The following IPCEF1 variants were observed in gnomAD, a reference collection of about 807,000 sequenced individuals.
The protein encoded by IPCEF1 is interaction protein for cytohesin exchange factors 1.
In IPCEF1, 31 loss-of-function variants were observed where a neutral mutation model predicts 50.9. The observed-to-expected ratio is 0.61, with a 90% CI of 0.46 to 0.82. The LOEUF (loss-of-function observed/expected upper bound fraction) is 0.82. IPCEF1 is among the 40% of genes least tolerant of loss of function. The pLI is 0.00. For synonymous variants in IPCEF1, 181 were observed against 192.0 expected (o/e 0.94, Z 0.47); for missense variants, 458 against 514.0 (o/e 0.89, Z 1.05).
At chr6:154,339,620 C>T (rs896183707) in intron 1 of IPCEF1, among the ~76,000 whole-genome samples, 6 of 151,350 alleles carry the variant, frequency 4.0e-5, no homozygotes, top group South Asian at 2.1e-4. Context: ...GAGAGGTTCT[C>T]GCTCTGTTAC....
intron 1 of IPCEF1, among the ~76,000 whole-genome samples, chr6:154,290,318 C>T (rs1445808950): frequency 2.0e-5 from 3 of 152,102 alleles, no homozygotes; most frequent in African/African-American, 7.2e-5. Context: ...ATTGCACATG[C>T]GGAAAGCCCA....
At chr6:154,339,779 A>G (rs1311801006) in intron 1 of IPCEF1, among the ~76,000 whole-genome samples, 1 of 151,930 alleles carries the variant, frequency 6.6e-6, no homozygotes, top group East Asian at 1.9e-4. Context: ...ATATTTTTGT[A>G]GAGATGGGGT....
chr6:154,262,461 T>A (rs984673606), intron 3 of IPCEF1, among the ~76,000 whole-genome samples: 2 of 152,232 alleles, frequency 1.3e-5, no homozygotes, highest in African/African-American at 4.8e-5. Flanking sequence ...CTACCCTACC[T>A]GGTACAGTGC....
intron 2 of IPCEF1, among the ~76,000 whole-genome samples, chr6:154,284,196 TC>T (rs1025377581): frequency 1.4e-4 from 22 of 152,228 alleles, no homozygotes; most frequent in Non-Finnish European, 1.5e-5. Context: ...TTCTTCATAA[TC>T]CTTTTTCACT....
At chr6:154,263,058 G>GCCA (rs1321616547) in intron 3 of IPCEF1, among the ~76,000 whole-genome samples, 1 of 151,958 alleles carries the variant, frequency 6.6e-6, no homozygotes, top group African/African-American at 2.4e-5. Context: ...ACAGGCATGA[G>GCCA]CCACCATGCC....
chr6:154,196,391 T>C (rs908460469), intron 10 of IPCEF1, among the ~76,000 whole-genome samples: 59 of 152,206 alleles, frequency 3.9e-4, no homozygotes, highest in African/African-American at 1.4e-3. Flanking sequence ...TGCTCTAGAA[T>C]GCCTGCCTCT....
chr6:154,309,348 G>A (rs929052646), intron 1 of IPCEF1, among the ~76,000 whole-genome samples: 5 of 152,198 alleles, frequency 3.3e-5, no homozygotes, highest in East Asian at 1.9e-4. Context: ...ACCATCTAAT[G>A]CCAGCACACT....
At chr6:154,241,773 A>G (rs1056040915) in intron 5 of IPCEF1, among the ~76,000 whole-genome samples, 2 of 152,084 alleles carry the variant, frequency 1.3e-5, no homozygotes, top group African/African-American at 2.4e-5. Context: ...TATTTTTCGC[A>G]TGCCAATTTC....
intron 3 of IPCEF1, among the ~76,000 whole-genome samples, chr6:154,261,957 C>T (rs1036797344): frequency 2.0e-5 from 3 of 152,108 alleles, no homozygotes; most frequent in African/African-American, 4.8e-5. Context: ...AGGTGTCAAA[C>T]CTACTGAAAC....
rs1279337612 is a variant in IPCEF1 at position 154,300,004 on chromosome 6, A to C, written c.-61-10248T>G. On this transcript the variant is annotated intron_variant, in intron 1 of 11. Coordinates refer to ENST00000367220, the MANE Select transcript of IPCEF1 (RefSeq NM_001130700.2). ...AGTTGGCATATTACTTTAAAAATGAAACCCCGAAGTGAATGAAGACTTCAC... is the reference window on the plus strand; with the variant it reads ...AGTTGGCATATTACTTTAAAAATGACACCCCGAAGTGAATGAAGACTTCAC... 2.8e-5 allele frequency among the ~76,000 whole-genome samples: 4 copies of C among 140,890 alleles called. 1 individual carries two copies. The highest frequency in any genetic ancestry group is 6.4e-5 in the Non-Finnish European group (4 of 62,798). The allele number at this position is 140,890 out of a possible 152,430, so 92.4% of individuals were successfully genotyped here.
chr6:154,266,340 G>T (rs1001352934), intron 2 of IPCEF1, among the ~76,000 whole-genome samples: 6 of 151,730 alleles, frequency 4.0e-5, no homozygotes, highest in Non-Finnish European at 8.8e-5. Flanking sequence ...AGCTATAATG[G>T]CACCACTGCA....
intron 1 of IPCEF1, among the ~76,000 whole-genome samples, chr6:154,349,077 A>G (rs924583968): frequency 9.2e-5 from 14 of 152,182 alleles, no homozygotes; most frequent in Non-Finnish European, 1.8e-4. Context: ...ACACTTTACA[A>G]AGAATTATAT....
rs1169967846 is a variant in IPCEF1 at position 154,168,666 on chromosome 6, CA to C, written c.911-554del. 2.6e-5 allele frequency among the ~76,000 whole-genome samples: 4 copies of C among 151,968 alleles called. No homozygotes were observed. In the South Asian group the frequency reaches 6.2e-4, roughly 24 times the overall value. On this transcript the variant is annotated intron_variant, in intron 10 of 11. Coordinates refer to ENST00000367220, the MANE Select transcript of IPCEF1 (RefSeq NM_001130700.2). This position sits in a 1 kb window ranked among gnomAD's most constrained non-coding sequence, Gnocchi z 4.1. ...TGTTGCCCAGGCTAAAGTGAAATGG[CA>C]CAATCTTGGCTCACTGAAACCTACA...
chr6:154,297,066 TA>T (rs1185505417), intron 1 of IPCEF1, among the ~76,000 whole-genome samples: 1 of 151,860 alleles, frequency 6.6e-6, no homozygotes, highest in Non-Finnish European at 1.5e-5. Context: ...CTCTTTTTTT[TA>T]AATAGGGTCT....
Position 154,154,928 on chromosome 6 carries a change from A to G in IPCEF1, c.*4900T>C, listed in dbSNP as rs1424529572. Reference sequence around the variant, plus strand: ...CACATTCCCATCATGCAAGCACATTAAAATATATGGCGATTAAAACTCCTG... The same window carrying G: ...CACATTCCCATCATGCAAGCACATTGAAATATATGGCGATTAAAACTCCTG... On this transcript the variant is annotated 3_prime_UTR_variant, in exon 12 of 12. Transcript: ENST00000367220. The G allele has an allele frequency of 6.6e-6, 1 of 152,536 alleles. No individual in the cohort carries two copies. The highest frequency in any genetic ancestry group is 1.5e-5 in the Non-Finnish European group (1 of 68,036). The allele number at this position is 152,536 out of a possible 1,614,324, so 9.4% of individuals were successfully genotyped here.
intron 1 of IPCEF1, among the ~76,000 whole-genome samples, chr6:154,310,912 T>G (rs560160281): frequency 6.6e-6 from 1 of 152,304 alleles, no homozygotes; most frequent in African/African-American, 2.4e-5. Flanking sequence ...TTAGTTAGAC[T>G]GGAGGAGTAA....
intron 5 of IPCEF1, among the ~76,000 whole-genome samples, chr6:154,235,631 C>A (rs2128631133): frequency 6.6e-6 from 1 of 151,800 alleles, no homozygotes; most frequent in African/African-American, 2.4e-5. Context: ...GTGAAGTTAT[C>A]AAATACTTCA....
rs1362235272 is a variant in IPCEF1 at position 154,168,562 on chromosome 6, G to A, written c.911-449C>T. 6.6e-6 allele frequency among the ~76,000 whole-genome samples: 1 copy of A among 152,008 alleles called. No individual in the cohort carries two copies. Among genetic ancestry groups the A allele is most frequent in the Non-Finnish European group, 1.5e-5 (1 of 68,002 alleles). ...AAGGTCACATTCTGAGGTATTAGGGGTTAGGACGTCAACATACGAATTTTA... is the reference window on the plus strand; with the variant it reads ...AAGGTCACATTCTGAGGTATTAGGGATTAGGACGTCAACATACGAATTTTA... On this transcript the variant is annotated intron_variant, in intron 10 of 11. Transcript: ENST00000367220. The surrounding 1 kb of genome is among the most constrained non-coding windows in gnomAD (Gnocchi z 4.1).
intron 10 of IPCEF1, among the ~76,000 whole-genome samples, chr6:154,182,152 A>G (rs1349255654): frequency 4.6e-5 from 7 of 152,174 alleles, no homozygotes; most frequent in African/African-American, 1.7e-4. Context: ...TATAAAGCTA[A>G]TGTTTTTACT....
Sources: gnomAD v4.1 joint callset for allele counts (sites outside exome capture counted in the v4.1 genomes callset) on GRCh38, gnomAD v4.1.1 for gene constraint, Gnocchi (gnomAD v3.1) non-coding constraint, MANE v1.5 for transcripts, NCBI Gene and HGNC (gene_info 2026-07-23, HGNC 2026-07-21) for gene names.